Variants in PDLIM5 observed in about 807,000 individuals in gnomAD.
The protein encoded by PDLIM5 is PDZ and LIM domain 5, also known as PDZ and LIM domain protein 5.
Under a neutral mutation model 64.2 loss-of-function variants are expected in PDLIM5, and 34 were observed. The ratio of observed to expected loss-of-function variants is 0.53; its 90% CI spans 0.40 to 0.71. The LOEUF (loss-of-function observed/expected upper bound fraction) is 0.71. Ranked by LOEUF, PDLIM5 falls within the 30% of genes least tolerant of loss-of-function variation. The pLI is 0.00. For synonymous variants in PDLIM5, 253 were observed against 269.1 expected (o/e 0.94, Z 0.59); for missense variants, 683 against 733.6 (o/e 0.93, Z 0.80).
At position 94,497,287 on chromosome 4, in the gene PDLIM5, C is replaced by T. The variant is rs116398494; in HGVS notation, c.97-26437C>T. ...GAGGGCATGTCTTAACAGTAATATA[C>T]TTATGATCAGTAAAATCTTTCTGCT... On this transcript the variant is annotated intron_variant, in intron 2 of 12. Coordinates refer to ENST00000317968, the MANE Select transcript of PDLIM5 (RefSeq NM_006457.5). Among the ~76,000 whole-genome samples, 1,099 of 152,216 alleles carry T rather than the reference C, an allele frequency of 7.2e-3. 5 individuals carry two copies. Among genetic ancestry groups the T allele is most frequent in the Non-Finnish European group, 0.013 (872 of 68,014 alleles).
chr4:94,611,173 C>T (rs1482329638), intron 7 of PDLIM5: 1 of 1,535,300 alleles, frequency 6.5e-7, no homozygotes, highest in Non-Finnish European at 8.7e-7. Context: ...AGGAAATCAA[C>T]TGGCTCTATC....
At chr4:94,476,277 C>T (rs115341262) in intron 2 of PDLIM5, among the ~76,000 whole-genome samples, 1,792 of 151,962 alleles carry the variant, frequency 0.012, 40 homozygotes, top group African/African-American at 0.041. Context: ...TTTAGTTAAC[C>T]CAAACCTTTC....
intron 3 of PDLIM5, among the ~76,000 whole-genome samples, chr4:94,566,587 A>T (rs773083710): frequency 2.0e-5 from 3 of 152,162 alleles, no homozygotes; most frequent in Non-Finnish European, 4.4e-5. Flanking sequence ...TCTGCAAGGG[A>T]GGTATTATGA....
Position 94,507,065 on chromosome 4 carries a change from C to T in PDLIM5, c.97-16659C>T, listed in dbSNP as rs549817242. Among the ~76,000 whole-genome samples the T allele has an allele frequency of 5.3e-5, 8 of 152,256 alleles. No homozygotes were observed. The South Asian group carries it at 1.5e-3, about 28-fold the overall frequency. Reference sequence around the variant, plus strand: ...GCTGGGGCTCTTGGGCTTTTGGCCACAGGCTGAAGGCTGCACTGTAGGCGT... The same window carrying T: ...GCTGGGGCTCTTGGGCTTTTGGCCATAGGCTGAAGGCTGCACTGTAGGCGT... On this transcript the variant is annotated intron_variant, in intron 2 of 12. Transcript: ENST00000317968.
intron 2 of PDLIM5, among the ~76,000 whole-genome samples, chr4:94,490,094 A>G (rs1726728237): frequency 6.6e-6 from 1 of 151,500 alleles, no homozygotes; most frequent in Non-Finnish European, 1.5e-5. Flanking sequence ...ATATATTTTT[A>G]TGTGGCTATA....
intron 9 of PDLIM5, among the ~76,000 whole-genome samples, chr4:94,653,407 T>C (rs1741987601): frequency 6.6e-6 from 1 of 152,118 alleles, no homozygotes; most frequent in South Asian, 2.1e-4. Flanking sequence ...TAGTGTGATA[T>C]AGCTACTGAA....
At chr4:94,623,654 A>G (rs954518549) in intron 8 of PDLIM5, among the ~76,000 whole-genome samples, 1 of 152,176 alleles carries the variant, frequency 6.6e-6, no homozygotes, top group Non-Finnish European at 1.5e-5. Context: ...CACAGTTTAT[A>G]GGCCCTCAGT....
intron 2 of PDLIM5, among the ~76,000 whole-genome samples, chr4:94,482,037 T>G (rs1245048660): frequency 6.6e-6 from 1 of 152,168 alleles, no homozygotes; most frequent in Non-Finnish European, 1.5e-5. Context: ...ATTTAAAGTG[T>G]TATATTTTCT....
chr4:94,615,622 T>C lies in PDLIM5; in HGVS notation c.921-2382T>C, dbSNP rs552972460. Among the ~76,000 whole-genome samples, 58 of 152,312 alleles carry C rather than the reference T, an allele frequency of 3.8e-4. No individual in the cohort carries two copies. In the South Asian group the frequency reaches 0.012, roughly 30 times the overall value. ...AGACTGGTAGATTGTAGCTTTATCTTAGAAGGCTTTGTATGTCATGCTGAA... is the reference window on the plus strand; with the variant it reads ...AGACTGGTAGATTGTAGCTTTATCTCAGAAGGCTTTGTATGTCATGCTGAA... On this transcript the variant is annotated intron_variant, in intron 7 of 12. Coordinates refer to ENST00000317968, the MANE Select transcript of PDLIM5 (RefSeq NM_006457.5).
intron 8 of PDLIM5, among the ~76,000 whole-genome samples, chr4:94,622,644 C>A (rs1396945658): frequency 2.1e-5 from 3 of 143,892 alleles, no homozygotes; most frequent in African/African-American, 7.7e-5. Context: ...CTCCTTCCCT[C>A]CCTCTCTCCC....
chr4:94,543,778 CTGTGTGTG>C (rs60929032), intron 3 of PDLIM5, among the ~76,000 whole-genome samples: 12,667 of 131,826 alleles, frequency 0.096, 761 homozygotes, highest in East Asian at 0.25. Flanking sequence ...TAGTATTCCA[CTGTGTGTG>C]TGTGTGTGTG....
intron 2 of PDLIM5, among the ~76,000 whole-genome samples, chr4:94,511,082 C>G (rs1728829829): frequency 6.6e-6 from 1 of 152,150 alleles, no homozygotes; most frequent in African/African-American, 2.4e-5. Context: ...TCTTGTACAG[C>G]TAAGCGGAAT....
chr4:94,521,249 C>T (rs904833506), intron 2 of PDLIM5, among the ~76,000 whole-genome samples: 5 of 151,956 alleles, frequency 3.3e-5, no homozygotes, highest in Non-Finnish European at 7.4e-5. Context: ...GTAATGGGGC[C>T]ACCATTCGGG....
intron 11 of PDLIM5, among the ~76,000 whole-genome samples, chr4:94,660,853 G>C (rs1381530906): frequency 6.6e-6 from 1 of 152,054 alleles, no homozygotes; most frequent in Non-Finnish European, 1.5e-5. Context: ...GAGAGGAGCT[G>C]CATAAAAGAA....
rs1192375821 is a variant in PDLIM5 at position 94,575,759 on chromosome 4, A to G, written c.435A>G (p.Ser145=). The change falls in exon 5 of 13, where the codon TCA becomes TCG. Residue 145 remains serine, a synonymous_variant. Coordinates refer to ENST00000317968, the MANE Select transcript of PDLIM5 (RefSeq NM_006457.5). ...VSSPKVTSIP[S]PSSAFTPAHA... ...CACCAAAAGTCACATCCATCCCATC[A>G]CCATCGTCTGCCTTCACCCCAGCCC... The G allele has an allele frequency of 1.9e-6, 3 of 1,613,818 alleles. No individual in the cohort carries two copies. In the African/African-American group the frequency reaches 4.0e-5, roughly 22 times the overall value.
Position 94,665,249 on chromosome 4 carries a change from C to A in PDLIM5, c.*1182C>A. On this transcript the variant is annotated 3_prime_UTR_variant, in exon 13 of 13. Coordinates refer to ENST00000317968, the MANE Select transcript of PDLIM5 (RefSeq NM_006457.5). The stretch of plus-strand genomic sequence containing the variant: ...CTGTGATCCCAGCACTTTGGGAGGC[C>A]AAGACGGGCGGATCATGAGGTCAAG... 1.0e-5 allele frequency: 5 copies of A among 480,918 alleles called. No homozygotes were observed. Among genetic ancestry groups the A allele is most frequent in the Non-Finnish European group, 1.4e-5 (5 of 368,384 alleles). The allele number at this position is 480,918 out of a possible 1,614,324, so 29.8% of individuals were successfully genotyped here. A position where few individuals can be genotyped will look rare whatever the true frequency, so the allele number is the denominator to read the frequency against.
intron 3 of PDLIM5, among the ~76,000 whole-genome samples, chr4:94,561,797 A>C (rs1733874526): frequency 6.6e-6 from 1 of 152,200 alleles, no homozygotes; most frequent in Non-Finnish European, 1.5e-5. Context: ...ATTTTTAGTC[A>C]TCACCAAAGA....
intron 2 of PDLIM5, among the ~76,000 whole-genome samples, chr4:94,475,042 C>CA (rs1024676891): frequency 1.3e-5 from 2 of 152,080 alleles, no homozygotes; most frequent in African/African-American, 2.4e-5. Flanking sequence ...CCTTTTAAGA[C>CA]AAGTTTTATC....
At chr4:94,524,091 T>C (rs1450551915) in intron 3 of PDLIM5, among the ~76,000 whole-genome samples, 1 of 152,118 alleles carries the variant, frequency 6.6e-6, no homozygotes, top group African/African-American at 2.4e-5. Flanking sequence ...ATTCCCATAC[T>C]AATAAAAATT....
Sources: gnomAD v4.1 joint callset for allele counts (sites outside exome capture counted in the v4.1 genomes callset) on GRCh38, gnomAD v4.1.1 for gene constraint, MANE v1.5 for transcripts, NCBI Gene and HGNC (gene_info 2026-07-23, HGNC 2026-07-21) for gene names.